The following PCDHA2 variants were observed in gnomAD, a reference collection of about 807,000 sequenced individuals.
PCDHA2 encodes the protein protocadherin alpha-2.
PCDHA2 carries 58 observed loss-of-function variants against 66.0 expected under a neutral mutation model. That is an observed-to-expected ratio of 0.88 (90% CI 0.71 to 1.09). PCDHA2 has a LOEUF of 1.09. PCDHA2 is among the 50% of genes least tolerant of loss of function. The pLI is 0.00. For synonymous variants in PCDHA2, 634 were observed against 554.0 expected, an observed-to-expected ratio of 1.14 and a Z score of -2.03; for missense variants, 1,267 against 1,242.3, an observed-to-expected ratio of 1.02 and a Z score of -0.30.
chr5:140,819,846 C>A (rs1169501411), intron 1 of PCDHA2, among the ~76,000 whole-genome samples: 1 of 151,938 alleles, frequency 6.6e-6, no homozygotes, highest in Non-Finnish European at 1.5e-5. Flanking sequence ...ACTTTTTCTC[C>A]ATTGAGTATA....
At chr5:140,993,616 C>A (rs1554253872) in intron 3 of PCDHA2, among the ~76,000 whole-genome samples, 2 of 151,688 alleles carry the variant, frequency 1.3e-5, no homozygotes, top group Admixed American at 6.6e-5. Context: ...TTGTTGGGAC[C>A]CTCTATATAT....
chr5:140,978,890 A>G (rs2096827624), intron 1 of PCDHA2, 59 bp from the exon 2 acceptor site: 1 of 1,612,616 alleles, frequency 6.2e-7, no homozygotes. Context: ...AATTAGCAGC[A>G]TTCCTGGGAG....
intron 1 of PCDHA2, chr5:140,877,932 A>G: frequency 7.1e-7 from 1 of 1,407,638 alleles, no homozygotes; most frequent in Non-Finnish European, 9.3e-7. Flanking sequence ...TTATGATTCT[A>G]TCCTTTAAAC....
chr5:140,803,714 A>C (rs782118084), intron 1 of PCDHA2: 1 of 1,505,762 alleles, frequency 6.6e-7, no homozygotes, highest in East Asian at 2.3e-5. Context: ...AGACTTTTCC[A>C]GTTTTGTGGT....
chr5:140,903,357 T>C (rs1554190932), intron 1 of PCDHA2, among the ~76,000 whole-genome samples: 1 of 152,166 alleles, frequency 6.6e-6, no homozygotes, highest in African/African-American at 2.4e-5. Flanking sequence ...AAACAAGTTT[T>C]TCAAAAATAT....
At chr5:140,935,382 T>G (rs1475831801) in intron 1 of PCDHA2, among the ~76,000 whole-genome samples, 1 of 152,218 alleles carries the variant, frequency 6.6e-6, no homozygotes, top group Non-Finnish European at 1.5e-5. Flanking sequence ...AATTACTCAT[T>G]TGTTATCCCA....
chr5:140,885,371 C>T (rs2153409645), intron 1 of PCDHA2, among the ~76,000 whole-genome samples: 1 of 152,182 alleles, frequency 6.6e-6, no homozygotes, highest in East Asian at 1.9e-4. Flanking sequence ...CTGAAAGTAC[C>T]TTTTGGCAGT....
chr5:140,805,240 C>G, intron 1 of PCDHA2: 1 of 1,345,592 alleles, frequency 7.4e-7, no homozygotes, highest in Middle Eastern at 2.5e-4. Context: ...CATTCCCCAT[C>G]TGTACATTAA....
At chr5:140,842,199 T>G in intron 1 of PCDHA2, 1 of 1,613,772 alleles carries the variant, frequency 6.2e-7, no homozygotes, top group African/African-American at 1.3e-5. Context: ...ATTGACCACT[T>G]TAGCATAGAT....
chr5:140,862,493 C>G, intron 1 of PCDHA2: 1 of 388,776 alleles, frequency 2.6e-6, no homozygotes, highest in East Asian at 6.9e-5. Flanking sequence ...GGTAATCGCT[C>G]GGAATGGGGA....
chr5:140,837,239 ATTTATCTTCTT>A (rs1411047562), intron 1 of PCDHA2: 4 of 152,014 alleles, frequency 2.6e-5, no homozygotes, highest in Non-Finnish European at 1.5e-5. Context: ...TTTTACATCT[ATTTATCTTCTT>A]TTTATCATAT....
chr5:140,836,207 G>C (rs1227998553), intron 1 of PCDHA2: 74 of 1,613,726 alleles, frequency 4.6e-5, no homozygotes, highest in Non-Finnish European at 5.7e-5. Flanking sequence ...CGTGGCTTTC[G>C]TATGAGTTGC....
At chr5:140,822,521 G>T (rs2150116984) in intron 1 of PCDHA2, 1 of 1,613,938 alleles carries the variant, frequency 6.2e-7, no homozygotes, top group Admixed American at 1.7e-5. Flanking sequence ...TATAATGTCA[G>T]ATTGTTGGAA....
At chr5:140,863,062 G>T (rs62384481) in intron 1 of PCDHA2, 19 of 565,590 alleles carry the variant, frequency 3.4e-5, no homozygotes, top group Non-Finnish European at 5.9e-5. Flanking sequence ...CCCGTTCCAC[G>T]TGGGGCTCTG....
chr5:140,800,410 A>G (rs1043669654), intron 1 of PCDHA2, among the ~76,000 whole-genome samples: 3 of 152,218 alleles, frequency 2.0e-5, no homozygotes, highest in Admixed American at 1.3e-4. Flanking sequence ...ATAAATGTAC[A>G]TATTTTAAGA....
Position 140,795,208 on chromosome 5 carries a change from G to C in PCDHA2, c.244G>C (p.Gly82Arg), listed in dbSNP as rs199539947. 1.7e-4 allele frequency: 269 copies of C among 1,614,220 alleles called. 1 individual carries two copies. The highest frequency in any genetic ancestry group is 1.3e-3 in the Middle Eastern group (8 of 6,046). Reference sequence around the variant, plus strand: ...CCTTCTGGAGGTAAATCTGCAGAATGGCATTTTGTTTGTGAATTCTCGGAT... The same window carrying C: ...CCTTCTGGAGGTAAATCTGCAGAATCGCATTTTGTTTGTGAATTCTCGGAT... ...GDLLEVNLQN[G>R]ILFVNSRIDR... Residue 82 changes from glycine (G) to arginine (R), a missense_variant, in exon 1 of 4, where the codon GGC becomes CGC. Coordinates refer to ENST00000526136, the MANE Select transcript of PCDHA2 (RefSeq NM_018905.3).
intron 1 of PCDHA2, chr5:140,884,516 T>C: frequency 6.2e-7 from 1 of 1,613,960 alleles, no homozygotes; most frequent in South Asian, 1.1e-5. Context: ...GAGTTGGTCG[T>C]ACTCGCAGCA....
intron 1 of PCDHA2, chr5:140,834,405 G>A (rs2150216867): frequency 1.9e-6 from 3 of 1,607,688 alleles, no homozygotes; most frequent in Admixed American, 1.7e-5. Flanking sequence ...GAATGGATAC[G>A]ACCCAGGGGG....
intron 1 of PCDHA2, among the ~76,000 whole-genome samples, chr5:140,959,063 A>G (rs190067147): frequency 2.0e-5 from 3 of 152,292 alleles, no homozygotes; most frequent in Admixed American, 2.0e-4. Flanking sequence ...TGCAGTATAT[A>G]TAGAATTCAG....
Sources: gnomAD v4.1 joint callset for allele counts (sites outside exome capture counted in the v4.1 genomes callset) on GRCh38, gnomAD v4.1.1 for gene constraint, MANE v1.5 for transcripts, NCBI Gene and HGNC (gene_info 2026-07-23, HGNC 2026-07-21) for gene names.